Variants in KCNH1 observed in about 807,000 individuals in gnomAD.
The protein encoded by KCNH1 is voltage-gated delayed rectifier potassium channel KCNH1.
A neutral mutation model predicts 69.2 loss-of-function variants in KCNH1; 27 were observed. The ratio of observed to expected loss-of-function variants is 0.39; its 90% confidence interval spans 0.29 to 0.54. The LOEUF (loss-of-function observed/expected upper bound fraction) is 0.54, where lower values mean the gene tolerates loss of function less well. Ranked by LOEUF, KCNH1 falls within the 20% of genes least tolerant of loss-of-function variation. KCNH1 has a pLI of 0.68. For synonymous variants in KCNH1, 456 were observed against 487.7 expected (o/e 0.93, Z 0.86); for missense variants, 798 against 1,261.6 (o/e 0.63, Z 5.57).
At chr1:210,843,995 T>C (rs1379393879) in intron 7 of KCNH1, among the ~76,000 whole-genome samples, 1 of 152,190 alleles carries the variant, frequency 6.6e-6, no homozygotes, top group African/African-American at 2.4e-5. Context: ...GCTGATTTAC[T>C]GATGAGACCA....
At chr1:210,929,177 T>C (rs1687634434) in intron 6 of KCNH1, among the ~76,000 whole-genome samples, 1 of 152,170 alleles carries the variant, frequency 6.6e-6, no homozygotes, top group Non-Finnish European at 1.5e-5. Context: ...AATCATTCTG[T>C]GAAGCCAGTA....
intron 10 of KCNH1, among the ~76,000 whole-genome samples, chr1:210,764,445 G>C (rs76116026): frequency 0.035 from 5,255 of 152,232 alleles, 286 homozygotes; most frequent in African/African-American, 0.12. Flanking sequence ...TACTGGATGG[G>C]AGAAAATATT....
chr1:210,868,221 T>C (rs1407324412), intron 7 of KCNH1, among the ~76,000 whole-genome samples: 1 of 152,080 alleles, frequency 6.6e-6, no homozygotes, highest in Non-Finnish European at 1.5e-5. Flanking sequence ...GAACATCTTT[T>C]CATGTGCCTT....
intron 7 of KCNH1, among the ~76,000 whole-genome samples, chr1:210,852,939 T>C (rs1383084776): frequency 6.6e-6 from 1 of 152,188 alleles, no homozygotes; most frequent in Non-Finnish European, 1.5e-5. Flanking sequence ...ATCTGAGTGG[T>C]ATGTCCTCTT....
intron 10 of KCNH1, among the ~76,000 whole-genome samples, chr1:210,701,633 C>G (rs965337269): frequency 2.0e-5 from 3 of 152,032 alleles, no homozygotes; most frequent in Non-Finnish European, 4.4e-5. Context: ...TTCCTTCCTT[C>G]CATCTTTTTT....
At chr1:210,900,732 C>A (rs1027775397) in intron 7 of KCNH1, among the ~76,000 whole-genome samples, 4 of 152,132 alleles carry the variant, frequency 2.6e-5, no homozygotes, top group African/African-American at 9.7e-5. Context: ...GGCAGAAGAG[C>A]CACAATAATC....
intron 3 of KCNH1, among the ~76,000 whole-genome samples, chr1:211,091,414 A>G (rs1003976981): frequency 6.6e-6 from 1 of 151,920 alleles, no homozygotes; most frequent in African/African-American, 2.4e-5. Context: ...TGATCCACCC[A>G]CCTTGGCCTC....
chr1:210,999,662 T>G (rs1477599773), intron 6 of KCNH1, among the ~76,000 whole-genome samples: 1 of 152,226 alleles, frequency 6.6e-6, no homozygotes, highest in East Asian at 1.9e-4. Context: ...TAACTCATTT[T>G]ATGAGGCCAG....
intron 1 of KCNH1, among the ~76,000 whole-genome samples, chr1:211,117,752 C>T (rs1691607271): frequency 6.6e-6 from 1 of 152,170 alleles, no homozygotes; most frequent in Admixed American, 6.5e-5. Context: ...GTAGGTAAGT[C>T]ACTTCAGCTC....
intron 6 of KCNH1, among the ~76,000 whole-genome samples, chr1:210,976,494 C>T (rs1688613114): frequency 6.8e-6 from 1 of 146,240 alleles, no homozygotes; most frequent in South Asian, 2.2e-4. Flanking sequence ...AACACTTTTA[C>T]ACTGTTGGTG....
intron 5 of KCNH1, among the ~76,000 whole-genome samples, chr1:211,039,211 C>G (rs1689949809): frequency 6.6e-6 from 1 of 152,238 alleles, no homozygotes; most frequent in African/African-American, 2.4e-5. Flanking sequence ...GCCTTAGCAG[C>G]TTCCACATGG....
At chr1:210,787,991 T>A (rs1313560517) in intron 9 of KCNH1, among the ~76,000 whole-genome samples, 1 of 152,172 alleles carries the variant, frequency 6.6e-6, no homozygotes, top group African/African-American at 2.4e-5. Context: ...TCATGACAAT[T>A]CTCCTTCTGT....
chr1:210,787,592 A>G (rs1383579885), intron 9 of KCNH1, among the ~76,000 whole-genome samples: 1 of 152,170 alleles, frequency 6.6e-6, no homozygotes, highest in Non-Finnish European at 1.5e-5. Flanking sequence ...AAAGACTTAG[A>G]ATGTCTTAGG....
chr1:210,930,034 A>G (rs771746165), intron 6 of KCNH1, among the ~76,000 whole-genome samples: 13 of 152,220 alleles, frequency 8.5e-5, no homozygotes, highest in South Asian at 2.1e-4. Flanking sequence ...ATCATAGACC[A>G]CACAAACAAA....
At chr1:210,915,655 G>T (rs951498267) in intron 7 of KCNH1, among the ~76,000 whole-genome samples, 3 of 152,130 alleles carry the variant, frequency 2.0e-5, no homozygotes, top group African/African-American at 7.2e-5. Flanking sequence ...ACCTAAATCC[G>T]CAGCTAATCA....
intron 7 of KCNH1, among the ~76,000 whole-genome samples, chr1:210,890,199 C>A (rs527500361): frequency 6.6e-6 from 1 of 152,140 alleles, no homozygotes; most frequent in African/African-American, 2.4e-5. Context: ...AACAGATATA[C>A]AGACCAGTGG....
At chr1:210,774,438 G>C (rs1344272318) in intron 10 of KCNH1, among the ~76,000 whole-genome samples, 1 of 152,166 alleles carries the variant, frequency 6.6e-6, no homozygotes, top group Non-Finnish European at 1.5e-5. Flanking sequence ...AGGCCTCAGA[G>C]AGGGGGAAGC....
intron 7 of KCNH1, among the ~76,000 whole-genome samples, chr1:210,836,868 C>G (rs1268234062): frequency 6.6e-6 from 1 of 152,138 alleles, no homozygotes; most frequent in Non-Finnish European, 1.5e-5. Context: ...AAGCTGGAAC[C>G]ACTGCTTCAG....
chr1:210,713,218 T>A (rs1682122196), intron 10 of KCNH1, among the ~76,000 whole-genome samples: 1 of 151,952 alleles, frequency 6.6e-6, no homozygotes. Flanking sequence ...AAAATAAAGG[T>A]AAGAAATGAG....
Sources: allele counts gnomAD v4.1 joint callset (sites outside exome capture counted in the v4.1 genomes callset), GRCh38; gene constraint gnomAD v4.1.1; transcripts MANE v1.5; gene names NCBI Gene and HGNC (gene_info 2026-07-23, HGNC 2026-07-21).